Variants in GABRA3 observed in about 807,000 individuals in gnomAD.
GABRA3 encodes gamma-aminobutyric acid type A receptor subunit alpha3.
A neutral mutation model predicts 30.1 loss-of-function variants in GABRA3; 10 were observed. The observed-to-expected ratio is 0.33, with a 90% CI of 0.20 to 0.56. GABRA3 has a LOEUF of 0.56. Among genes scored for constraint, GABRA3 ranks in the 20% least tolerant of loss-of-function variants. GABRA3 has a pLI of 0.89. For missense variants in GABRA3, 233 were observed against 392.0 expected (o/e 0.59, Z 3.42); for synonymous variants, 151 against 146.8 (o/e 1.03, Z -0.21).
At chrX:152,232,406 C>A (rs1335570421) in intron 5 of GABRA3, among the ~76,000 whole-genome samples, 2 of 109,594 alleles carry the variant, frequency 1.8e-5, no homozygotes, top group Admixed American at 9.9e-5. Context: ...CCTTCCCTCA[C>A]CCCTTCCTAC....
intron 1 of GABRA3, among the ~76,000 whole-genome samples, chrX:152,429,751 C>T (rs1481794592): frequency 8.9e-6 from 1 of 112,058 alleles, no homozygotes; most frequent in African/African-American, 3.2e-5. Flanking sequence ...CAATAAGACT[C>T]TCCTCCTGAG....
intron 9 of GABRA3, among the ~76,000 whole-genome samples, chrX:152,183,193 C>G (rs191720691): frequency 1.8e-5 from 2 of 109,987 alleles, no homozygotes; most frequent in Admixed American, 2.0e-4. Context: ...AGGTCCTGGG[C>G]TTTTCTTTGA....
At chrX:152,178,910 T>C (rs370679175) in intron 9 of GABRA3, among the ~76,000 whole-genome samples, 4 of 112,042 alleles carry the variant, frequency 3.6e-5, no homozygotes, top group African/African-American at 6.5e-5. Flanking sequence ...TTTATACTGC[T>C]ACCAGTTTTG....
chrX:152,389,032 T>C (rs1929404704), intron 1 of GABRA3, among the ~76,000 whole-genome samples: 3 of 112,050 alleles, frequency 2.7e-5, no homozygotes, highest in Admixed American at 9.5e-5. Context: ...AGTTCAGGCA[T>C]AGATACACAT....
At chrX:152,362,433 A>T (rs991932054) in intron 2 of GABRA3, among the ~76,000 whole-genome samples, 3 of 111,583 alleles carry the variant, frequency 2.7e-5, no homozygotes, top group African/African-American at 9.8e-5. Context: ...CTAAGAAATA[A>T]GGCTAGCAAG....
chrX:152,386,158 C>T (rs1278118361), intron 1 of GABRA3, among the ~76,000 whole-genome samples: 2 of 104,646 alleles, frequency 1.9e-5, no homozygotes, highest in African/African-American at 7.0e-5. Context: ...ATGGGGATGG[C>T]ATTGAATCTA....
At chrX:152,304,227 A>G (rs868797499) in intron 3 of GABRA3, among the ~76,000 whole-genome samples, 6 of 111,913 alleles carry the variant, frequency 5.4e-5, no homozygotes, top group Non-Finnish European at 1.1e-4. Context: ...TAATTTACAA[A>G]TATTTTCTCT....
chrX:152,206,045 G>A (rs1937536674), intron 7 of GABRA3, among the ~76,000 whole-genome samples: 1 of 112,709 alleles, frequency 8.9e-6, no homozygotes, highest in Non-Finnish European at 1.9e-5. Flanking sequence ...AAAATGAAGT[G>A]GGAGTGGGGT....
rs1434890901 is a variant in GABRA3, at chrX:152,233,742, C to A, written c.552-8897G>T. Among the ~76,000 whole-genome samples, 3 of 104,621 alleles carry A rather than the reference C, an allele frequency of 2.9e-5. No individual in the cohort carries two copies. In the East Asian group the frequency reaches 9.3e-4, roughly 32 times the overall value. 90.9% of individuals were successfully genotyped at this position (104,621 alleles called of 115,157 possible). On this transcript the variant is annotated intron_variant, in intron 5 of 9. Transcript: ENST00000370314. ...AATCATGCTGCTATAAAGACACATG[C>A]ACACGTATGTTTATTGCGGCATTAT...
At chrX:152,191,282 T>C (rs1055745314) in intron 8 of GABRA3, among the ~76,000 whole-genome samples, 2 of 110,375 alleles carry the variant, frequency 1.8e-5, no homozygotes, top group African/African-American at 6.6e-5. Flanking sequence ...CAATTGCTAG[T>C]GATGTTTTTC....
chrX:152,422,710 C>T (rs1017236259), intron 1 of GABRA3, among the ~76,000 whole-genome samples: 2 of 111,092 alleles, frequency 1.8e-5, no homozygotes, highest in Non-Finnish European at 3.8e-5. Context: ...AAATTCCCAA[C>T]ACAATATTCT....
intron 7 of GABRA3, among the ~76,000 whole-genome samples, chrX:152,202,889 C>A (rs1468481311): frequency 8.9e-6 from 1 of 112,573 alleles, no homozygotes; most frequent in African/African-American, 3.2e-5. Flanking sequence ...ACATTTACCT[C>A]CTCTTTCTCT....
At chrX:152,175,791 A>G (rs191123007) in intron 9 of GABRA3, among the ~76,000 whole-genome samples, 13 of 111,289 alleles carry the variant, frequency 1.2e-4, no homozygotes, top group South Asian at 1.1e-3. Flanking sequence ...GAGGCTGGGC[A>G]CGGTGCCTCA....
intron 6 of GABRA3, among the ~76,000 whole-genome samples, chrX:152,221,318 ATCTC>A (rs199942213): frequency 0.1 from 11,047 of 109,949 alleles, 1,138 homozygotes; most frequent in East Asian, 0.32. Flanking sequence ...GTCAAGATGA[ATCTC>A]TCTCTCTGTC....
chrX:152,237,923 T>G (rs1569365647), intron 5 of GABRA3, among the ~76,000 whole-genome samples: 1 of 110,886 alleles, frequency 9.0e-6, no homozygotes, highest in Non-Finnish European at 1.9e-5. Flanking sequence ...AGATATACAA[T>G]CATGTCATCT....
intron 1 of GABRA3, among the ~76,000 whole-genome samples, chrX:152,371,696 A>G (rs756331466): frequency 3.6e-5 from 4 of 111,227 alleles, no homozygotes; most frequent in Non-Finnish European, 5.7e-5. Context: ...CAACTTCCTC[A>G]ACAATCATTC....
At chrX:152,247,174 A>G (rs977961449) in intron 5 of GABRA3, among the ~76,000 whole-genome samples, 3 of 111,792 alleles carry the variant, frequency 2.7e-5, no homozygotes, top group African/African-American at 9.7e-5. Flanking sequence ...TATGATAGCA[A>G]CCCTCACTCA....
chrX:152,198,887 G>T (rs1319976085), intron 7 of GABRA3, among the ~76,000 whole-genome samples: 1 of 112,178 alleles, frequency 8.9e-6, no homozygotes, highest in African/African-American at 3.2e-5. Context: ...ATATGCTGAA[G>T]CCTTAGCCCC....
intron 1 of GABRA3, among the ~76,000 whole-genome samples, chrX:152,378,018 A>G (rs1041484517): frequency 1.6e-4 from 18 of 112,287 alleles, no homozygotes; most frequent in African/African-American, 4.9e-4. Context: ...TTAAGTTTGC[A>G]ACTCAAATTC....
Sources: gnomAD v4.1 joint callset for allele counts (sites outside exome capture counted in the v4.1 genomes callset) on GRCh38, gnomAD v4.1.1 for gene constraint, MANE v1.5 for transcripts, NCBI Gene and HGNC (gene_info 2026-07-23, HGNC 2026-07-21) for gene names.